Variants in MON2 observed in about 807,000 individuals in gnomAD.
MON2 encodes MON2 regulator of endosome-to-Golgi trafficking.
In MON2, 84 loss-of-function variants were observed where a neutral mutation model predicts 208.6. That is an observed-to-expected ratio of 0.40 (90% CI 0.34 to 0.48). MON2 has a LOEUF of 0.48. Among genes scored for constraint, MON2 ranks in the 20% least tolerant of loss-of-function variants. The probability of loss-of-function intolerance (pLI) is 0.59; values close to 1 mark genes in which losing one functional copy is unlikely to be tolerated. For synonymous variants in MON2, 660 were observed against 694.0 expected (o/e 0.95, Z 0.77); for missense variants, 1,611 against 2,015.4 (o/e 0.80, Z 3.84).
At chr12:62,520,832 T>C (rs1217189555) in intron 8 of MON2, among the ~76,000 whole-genome samples, 2 of 147,214 alleles carry the variant, frequency 1.4e-5, no homozygotes, top group Non-Finnish European at 3.0e-5. Context: ...AGATATTATA[T>C]GTATAATAAT....
chr12:62,570,457 A>G (rs1250932600), intron 29 of MON2, among the ~76,000 whole-genome samples: 2 of 152,190 alleles, frequency 1.3e-5, no homozygotes, highest in Non-Finnish European at 2.9e-5. Flanking sequence ...TTCCCTCACC[A>G]TTAGTGGGAA....
intron 26 of MON2, among the ~76,000 whole-genome samples, chr12:62,562,542 A>G (rs1315452228): frequency 6.6e-6 from 1 of 152,066 alleles, no homozygotes; most frequent in East Asian, 1.9e-4. Context: ...ATGATGTTTC[A>G]TAGACCTTGA....
In MON2 at chr12:62,466,951, G is replaced by C. The variant is rs2068545533; in HGVS notation, c.-257G>C. The C allele has an allele frequency of 1.9e-6, 1 of 522,654 alleles. No homozygotes were observed. The highest frequency in any genetic ancestry group is 3.4e-6 in the Non-Finnish European group (1 of 294,930). 32.4% of individuals were successfully genotyped at this position (522,654 alleles called of 1,614,324 possible). ...GGCAGCGGAGGGACCTGCCCGCCTT[G>C]TGGGTTTCTCGGCCAGAGTCGGCGG... On this transcript the variant is annotated 5_prime_UTR_variant, in exon 1 of 35. Coordinates refer to ENST00000393630, the MANE Select transcript of MON2 (RefSeq NM_015026.3).
chr12:62,470,571 ATTACTT>A (rs927086161), intron 1 of MON2: 2 of 236,252 alleles, frequency 8.5e-6, no homozygotes, highest in African/African-American at 4.7e-5. Flanking sequence ...TGTTTTAAAA[ATTACTT>A]TGAAGCCTTC....
intron 14 of MON2, 123 bp from the exon 15 acceptor site, chr12:62,537,028 G>A (rs1472533149): frequency 3.8e-6 from 2 of 523,692 alleles, no homozygotes; most frequent in Non-Finnish European, 6.6e-6. Context: ...CAGATATTAG[G>A]TATTACTGAT....
chr12:62,511,918 C>G (rs533537064), intron 8 of MON2, among the ~76,000 whole-genome samples: 3 of 152,238 alleles, frequency 2.0e-5, no homozygotes, highest in African/African-American at 7.2e-5. Flanking sequence ...CTGGGGAGGC[C>G]TCACAATCAT....
intron 2 of MON2, among the ~76,000 whole-genome samples, chr12:62,491,374 C>T (rs540387613): frequency 7.2e-5 from 11 of 152,182 alleles, no homozygotes; most frequent in Middle Eastern, 3.4e-3. Context: ...AGCATTGTGT[C>T]GTAGTTTAAT....
rs1329248774 is a variant in MON2 at position 62,593,422 on chromosome 12, A to G, written c.*673A>G. 6.6e-6 allele frequency: 1 copy of G among 152,506 alleles called. No homozygotes were observed. Among genetic ancestry groups the G allele is most frequent in the Non-Finnish European group, 1.5e-5 (1 of 67,982 alleles). 9.4% of individuals were successfully genotyped at this position (152,506 alleles called of 1,614,324 possible). A position where few individuals can be genotyped will look rare whatever the true frequency, so the allele number is the denominator to read the frequency against. On this transcript the variant is annotated 3_prime_UTR_variant, in exon 35 of 35. Coordinates refer to ENST00000393630, the MANE Select transcript of MON2 (RefSeq NM_015026.3). ...GGATAAGCTCACCATATGATCATGC[A>G]GTTAGCTTCATGCTTATTTTAAATG... is the stretch of plus-strand genomic sequence containing the variant.
At chr12:62,523,394 AAAG>A (rs2072165830) in intron 8 of MON2, among the ~76,000 whole-genome samples, 1 of 152,190 alleles carries the variant, frequency 6.6e-6, no homozygotes, top group Non-Finnish European at 1.5e-5. Flanking sequence ...GTTGCTGGAT[AAAG>A]AAGTTGAGCC....
At chr12:62,585,644 T>A in intron 33 of MON2, 143 bp downstream of exon 33, 1 of 629,348 alleles carries the variant, frequency 1.6e-6, no homozygotes, top group Non-Finnish European at 2.6e-6. Flanking sequence ...CCATATGGTG[T>A]AAATATTCAC....
At chr12:62,541,567 A>G (rs1478337296) in intron 19 of MON2, among the ~76,000 whole-genome samples, 1 of 152,184 alleles carries the variant, frequency 6.6e-6, no homozygotes, top group African/African-American at 2.4e-5. Flanking sequence ...GTGGTAATAT[A>G]CCCTTTTACA....
chr12:62,470,035 G>A (rs1051733425), intron 1 of MON2, among the ~76,000 whole-genome samples: 3 of 151,834 alleles, frequency 2.0e-5, no homozygotes, highest in African/African-American at 4.8e-5. Flanking sequence ...CCCCTGAGTA[G>A]CTGGGACTAC....
intron 2 of MON2, among the ~76,000 whole-genome samples, chr12:62,492,752 G>A (rs1336586673): frequency 1.5e-4 from 22 of 149,508 alleles, no homozygotes; most frequent in Non-Finnish European, 1.6e-4. Context: ...AGGCTGAGGC[G>A]GGTGGATCAC....
intron 19 of MON2, among the ~76,000 whole-genome samples, chr12:62,539,948 G>A (rs1371340417): frequency 3.9e-5 from 6 of 151,936 alleles, no homozygotes; most frequent in Admixed American, 2.6e-4. Context: ...CAGCCTGGGC[G>A]ACAGAGCAAG....
At chr12:62,565,098 C>A in intron 26 of MON2, 139 bp from the exon 27 acceptor site, 2 of 783,688 alleles carry the variant, frequency 2.6e-6, no homozygotes, top group Non-Finnish European at 4.1e-6. Context: ...AGTTTGTGTC[C>A]TTTAGGGCTC....
chr12:62,592,255 C>T (rs925588214), intron 34 of MON2, among the ~76,000 whole-genome samples: 2 of 152,118 alleles, frequency 1.3e-5, no homozygotes, highest in Non-Finnish European at 2.9e-5. Flanking sequence ...TACATCCTCT[C>T]GCAATTATAT....
At chr12:62,539,175 T>C (rs958066998) in intron 19 of MON2, among the ~76,000 whole-genome samples, 11 of 152,058 alleles carry the variant, frequency 7.2e-5, no homozygotes, top group African/African-American at 2.7e-4. Flanking sequence ...TACAAATAAG[T>C]GAAAATAACC....
At chr12:62,523,583 C>G (rs1385501445) in intron 8 of MON2, among the ~76,000 whole-genome samples, 1 of 152,080 alleles carries the variant, frequency 6.6e-6, no homozygotes, top group African/African-American at 2.4e-5. Context: ...GTTAAAGATA[C>G]TGAAAGGCAT....
At position 62,535,666 on chromosome 12, in the gene MON2, T is replaced by G. The variant is rs780995136; in HGVS notation, c.1857T>G (p.Leu619=). ...CKGSLPPHYA[L]TVLNTTTAAT... ...GTTCCCTGCCTCCCCATTATGCTCTTACTGTATTGAATACCACCACTGCAG... is the reference window on the plus strand; with the variant it reads ...GTTCCCTGCCTCCCCATTATGCTCTGACTGTATTGAATACCACCACTGCAG... Residue 619 remains leucine (L), a synonymous_variant, in exon 14 of 35, where the codon CTT becomes CTG. Coordinates refer to ENST00000393630, the MANE Select transcript of MON2 (RefSeq NM_015026.3). The G allele has an allele frequency of 1.2e-6, 2 of 1,613,282 alleles. No homozygotes were observed. The highest frequency in any genetic ancestry group is 1.7e-6 in the Non-Finnish European group (2 of 1,179,690).
Sources: allele counts gnomAD v4.1 joint callset (sites outside exome capture counted in the v4.1 genomes callset), GRCh38; gene constraint gnomAD v4.1.1; transcripts MANE v1.5; gene names NCBI Gene and HGNC (gene_info 2026-07-23, HGNC 2026-07-21).